Variants in DCC observed in about 807,000 individuals in gnomAD.
DCC encodes the protein netrin receptor DCC.
In DCC, 58 loss-of-function variants were observed where a neutral mutation model predicts 172.5. The ratio of observed to expected loss-of-function variants is 0.34; its 90% CI spans 0.27 to 0.42. The LOEUF is 0.42. DCC is among the 10% of genes least tolerant of loss of function. DCC has a pLI of 1.00. For missense variants in DCC, 1,740 were observed against 1,791.0 expected (o/e 0.97, Z 0.51); for synonymous variants, 709 against 644.5 (o/e 1.10, Z -1.52).
intron 12 of DCC, among the ~76,000 whole-genome samples, chr18:53,251,114 G>A (rs749466450): frequency 2.6e-5 from 4 of 151,874 alleles, no homozygotes; most frequent in Non-Finnish European, 5.9e-5. Flanking sequence ...ATCATCTCTA[G>A]TCTTATTCCC....
At chr18:52,971,627 G>A (rs2041032191) in intron 5 of DCC, among the ~76,000 whole-genome samples, 1 of 152,014 alleles carries the variant, frequency 6.6e-6, no homozygotes, top group Non-Finnish European at 1.5e-5. Flanking sequence ...AACTCATTCT[G>A]GTGGGAGATG....
At chr18:52,452,856 A>G (rs887016484) in intron 1 of DCC, among the ~76,000 whole-genome samples, 1 of 152,236 alleles carries the variant, frequency 6.6e-6, no homozygotes, top group Non-Finnish European at 1.5e-5. Flanking sequence ...GGTGGGACAC[A>G]CTTATAAAAC....
chr18:52,860,129 A>G (rs1453944856), intron 2 of DCC, among the ~76,000 whole-genome samples: 3 of 152,202 alleles, frequency 2.0e-5, no homozygotes, highest in Non-Finnish European at 4.4e-5. Context: ...AGAAAAACAA[A>G]GGTTAATATC....
intron 27 of DCC, among the ~76,000 whole-genome samples, chr18:53,500,703 G>C (rs925049088): frequency 1.3e-5 from 2 of 151,768 alleles, no homozygotes; most frequent in African/African-American, 4.8e-5. Context: ...CTGGGAGGTG[G>C]AGTGGAGCAT....
chr18:52,685,956 G>A (rs957404630), intron 1 of DCC, among the ~76,000 whole-genome samples: 2 of 152,086 alleles, frequency 1.3e-5, no homozygotes, highest in African/African-American at 2.4e-5. Context: ...TTCTCCTCAA[G>A]GGCTAACTGG....
intron 5 of DCC, among the ~76,000 whole-genome samples, chr18:52,984,376 T>C (rs1378552051): frequency 6.6e-6 from 1 of 152,126 alleles, no homozygotes; most frequent in East Asian, 1.9e-4. Flanking sequence ...GGTAATCACT[T>C]TGAGAAACCA....
At chr18:52,713,076 C>T (rs1214055572) in intron 1 of DCC, among the ~76,000 whole-genome samples, 1 of 152,188 alleles carries the variant, frequency 6.6e-6, no homozygotes, top group Non-Finnish European at 1.5e-5. Context: ...ACTTTAGTGC[C>T]TAGCCGGGAA....
chr18:52,638,433 C>T (rs2034823838), intron 1 of DCC, among the ~76,000 whole-genome samples: 1 of 152,134 alleles, frequency 6.6e-6, no homozygotes, highest in Non-Finnish European at 1.5e-5. Flanking sequence ...TAACCATTTG[C>T]TGCCTTCAGG....
chr18:53,189,726 TA>T (rs1446467563), intron 9 of DCC, among the ~76,000 whole-genome samples: 22 of 152,244 alleles, frequency 1.4e-4, no homozygotes, highest in African/African-American at 5.1e-4. Flanking sequence ...TTCTGAATAT[TA>T]AGGACTGCAA....
chr18:52,808,787 G>A lies in DCC; in HGVS notation c.412+56413G>A, dbSNP rs563982903. Among the ~76,000 whole-genome samples the A allele has an allele frequency of 7.4e-4, 112 of 152,256 alleles. 4 individuals carry two copies. The South Asian group carries it at 0.021, about 29-fold the overall frequency. On this transcript the variant is annotated intron_variant, in intron 2 of 28. Transcript: ENST00000442544. ...GTCCTTAAGTTTAACCCCATTGTCT[G>A]TACTCACTTCTTCTTTTGATTGTCA...
At chr18:53,054,159 A>G (rs546592442) in intron 5 of DCC, among the ~76,000 whole-genome samples, 79 of 152,230 alleles carry the variant, frequency 5.2e-4, no homozygotes, top group Middle Eastern at 6.8e-3. Flanking sequence ...ATGCAGTGTA[A>G]ATGCTGTGTA....
chr18:53,084,310 A>C (rs1271671406), intron 7 of DCC, among the ~76,000 whole-genome samples: 1 of 152,180 alleles, frequency 6.6e-6, no homozygotes. Flanking sequence ...TCTATAAATG[A>C]GTTAATAAAT....
chr18:52,492,280 A>C (rs1006411373), intron 1 of DCC, among the ~76,000 whole-genome samples: 2 of 151,968 alleles, frequency 1.3e-5, no homozygotes, highest in Admixed American at 6.6e-5. Context: ...GAAACAGGGA[A>C]AGATAGTCAC....
At chr18:52,721,552 A>AGAG (rs1281668186) in intron 1 of DCC, among the ~76,000 whole-genome samples, 1 of 152,216 alleles carries the variant, frequency 6.6e-6, no homozygotes, top group Non-Finnish European at 1.5e-5. Flanking sequence ...TTACCTAGAA[A>AGAG]GAGATAATCT....
chr18:52,613,413 G>A (rs1337245170), intron 1 of DCC, among the ~76,000 whole-genome samples: 5 of 151,746 alleles, frequency 3.3e-5, no homozygotes, highest in African/African-American at 9.7e-5. Flanking sequence ...CCGCCACCAC[G>A]CCCGGCTAAT....
chr18:52,541,212 T>A (rs1269082887), intron 1 of DCC, among the ~76,000 whole-genome samples: 2 of 152,186 alleles, frequency 1.3e-5, no homozygotes, highest in Admixed American at 6.5e-5. Flanking sequence ...AGTGCAGTGT[T>A]CCTCTTGCCA....
intron 5 of DCC, among the ~76,000 whole-genome samples, chr18:52,948,158 G>A (rs2040578670): frequency 6.6e-6 from 1 of 152,160 alleles, no homozygotes; most frequent in Non-Finnish European, 1.5e-5. Flanking sequence ...TATTTTCAGT[G>A]TGCTGTTCCA....
At chr18:52,403,463 C>T (rs1986517846) in intron 1 of DCC, among the ~76,000 whole-genome samples, 1 of 151,900 alleles carries the variant, frequency 6.6e-6, no homozygotes, top group Non-Finnish European at 1.5e-5. Context: ...GATTAACAGC[C>T]CAATTGTGTT....
chr18:53,210,103 C>T lies in DCC; in HGVS notation c.1861+2286C>T, dbSNP rs112977389. Among the ~76,000 whole-genome samples the T allele has an allele frequency of 6.8e-3, 1,041 of 152,328 alleles. 13 individuals carry two copies. Among genetic ancestry groups the T allele is most frequent in the African/African-American group, 0.024 (979 of 41,570 alleles). ...TGGACACCGTGACCTCGTTTGCATTCATTTTTACAATCAACCCATCTCTTT... is the reference window on the plus strand; with the variant it reads ...TGGACACCGTGACCTCGTTTGCATTTATTTTTACAATCAACCCATCTCTTT... On this transcript the variant is annotated intron_variant, in intron 11 of 28. Coordinates refer to ENST00000442544, the MANE Select transcript of DCC (RefSeq NM_005215.4).
Sources: allele counts gnomAD v4.1 joint callset (sites outside exome capture counted in the v4.1 genomes callset), GRCh38; gene constraint gnomAD v4.1.1; transcripts MANE v1.5; gene names NCBI Gene and HGNC (gene_info 2026-07-23, HGNC 2026-07-21).